Variants in B3GALNT2 observed in about 807,000 individuals in gnomAD.
B3GALNT2 encodes UDP-GalNAc:beta-1,3-N-acetylgalactosaminyltransferase 2.
Under a neutral mutation model 61.1 loss-of-function variants are expected in B3GALNT2, and 53 were observed. The ratio of observed to expected loss-of-function variants is 0.87; its 90% confidence interval spans 0.70 to 1.09. The LOEUF (loss-of-function observed/expected upper bound fraction) is 1.09, where lower values mean the gene tolerates loss of function less well. Among genes scored for constraint, B3GALNT2 ranks in the 50% least tolerant of loss-of-function variants. B3GALNT2 has a pLI of 0.00. For synonymous variants in B3GALNT2, 223 were observed against 237.4 expected, an observed-to-expected ratio of 0.94 and a Z score of 0.56; for missense variants, 544 against 623.0, an observed-to-expected ratio of 0.87 and a Z score of 1.35.
At chr1:235,479,925 G>T in intron 5 of B3GALNT2, 129 bp downstream of exon 5, 1 of 1,433,450 alleles carries the variant, frequency 7.0e-7, no homozygotes, top group South Asian at 1.5e-5. Flanking sequence ...TCCACAGTTG[G>T]TACCTTCATC....
chr1:235,468,062 G>A (rs1171212095), intron 6 of B3GALNT2, among the ~76,000 whole-genome samples: 1 of 152,238 alleles, frequency 6.6e-6, no homozygotes, highest in African/African-American at 2.4e-5. Flanking sequence ...TTACAGGCGT[G>A]AGCCACAGCA....
At chr1:235,490,608 G>C (rs938739697) in intron 2 of B3GALNT2, among the ~76,000 whole-genome samples, 5 of 152,178 alleles carry the variant, frequency 3.3e-5, no homozygotes, top group Admixed American at 2.0e-4. Context: ...ATAACCCACA[G>C]ACAGCTGTGT....
chr1:235,441,741 T>G, the B3GALNT2 span: 2 of 1,384,786 alleles, frequency 1.4e-6, no homozygotes, highest in Non-Finnish European at 2.0e-6. Flanking sequence ...CTATCCTTTG[T>G]TTGTTTGTTT....
rs1404989370 is a variant in B3GALNT2, at chr1:235,490,688, T to C, written c.261-1420A>G. Among the ~76,000 whole-genome samples, 5 of 152,136 alleles carry C rather than the reference T, an allele frequency of 3.3e-5. No homozygotes were observed. In the East Asian group the frequency reaches 9.6e-4, roughly 29 times the overall value. On this transcript the variant is annotated intron_variant, in intron 2 of 11. Coordinates refer to ENST00000366600, the MANE Select transcript of B3GALNT2 (RefSeq NM_152490.5). The stretch of plus-strand genomic sequence containing the variant: ...TTTCAGAAATTTTGTGAGACGGTTA[T>C]TAAACATAGCCTTTATTTAAAATTA...
Position 235,449,983 on chromosome 1 carries a change from C to T in B3GALNT2, c.*223G>A, listed in dbSNP as rs74151510. The T allele has an allele frequency of 0.01, 4,075 of 397,820 alleles. 148 individuals carry two copies. Among genetic ancestry groups the T allele is most frequent in the African/African-American group, 0.074 (3,638 of 48,968 alleles). 24.6% of individuals were successfully genotyped at this position (397,820 alleles called of 1,614,324 possible). Reference sequence around the variant, plus strand: ...ACTTGGTATTTTTCTGATAATCTTCCAATAGATAAATAAAAACTTTTCTTA... The same window carrying T: ...ACTTGGTATTTTTCTGATAATCTTCTAATAGATAAATAAAAACTTTTCTTA... On this transcript the variant is annotated 3_prime_UTR_variant, in exon 12 of 12. Transcript: ENST00000366600.
the B3GALNT2 span, among the ~76,000 whole-genome samples, chr1:235,440,041 G>A: frequency 9.1e-4 from 138 of 152,146 alleles, no homozygotes; most frequent in African/African-American, 2.9e-3. Context: ...CGCGATCTCC[G>A]CTCACTGCAA....
At chr1:235,452,320 A>T (rs1682955448) in intron 11 of B3GALNT2, 1 of 152,166 alleles carries the variant, frequency 6.6e-6, no homozygotes. Context: ...AAATCTATGG[A>T]AACTGAGTTT....
intron 9 of B3GALNT2, among the ~76,000 whole-genome samples, chr1:235,454,528 TCC>T (rs1312784154): frequency 6.6e-6 from 1 of 152,126 alleles, no homozygotes. Flanking sequence ...AACCTCTGCC[TCC>T]TGGGTTCAAG....
intron 4 of B3GALNT2, among the ~76,000 whole-genome samples, chr1:235,482,987 A>T (rs551175452): frequency 2.0e-5 from 3 of 152,254 alleles, no homozygotes; most frequent in African/African-American, 7.2e-5. Context: ...AGCTGCTGTT[A>T]TAACTATGGT....
chr1:235,451,602 T>G (rs759174005), intron 11 of B3GALNT2: 1 of 151,682 alleles, frequency 6.6e-6, no homozygotes, highest in Non-Finnish European at 1.5e-5. Context: ...CAAAAAAGAA[T>G]TATATTCAAA....
At chr1:235,474,980 TATATA>T (rs1207728485) in intron 5 of B3GALNT2, among the ~76,000 whole-genome samples, 53 of 32,572 alleles carry the variant, frequency 1.6e-3, no homozygotes, top group East Asian at 5.2e-3. Flanking sequence ...TATATATATA[TATATA>T]TATTTTTTTT....
chr1:235,458,064 C>T (rs755783761), intron 8 of B3GALNT2, among the ~76,000 whole-genome samples: 2 of 152,024 alleles, frequency 1.3e-5, no homozygotes, highest in Non-Finnish European at 2.9e-5. Flanking sequence ...CTCGCCACCA[C>T]ACTTGGCTAA....
Position 235,450,080 on chromosome 1 carries a change from A to G in B3GALNT2, c.*126T>C, listed in dbSNP as rs998822461. 5.1e-6 allele frequency: 6 copies of G among 1,166,662 alleles called. No homozygotes were observed. The highest frequency in any genetic ancestry group is 3.1e-5 in the African/African-American group (2 of 65,528). 72.3% of individuals were successfully genotyped at this position (1,166,662 alleles called of 1,614,324 possible). A position where few individuals can be genotyped will look rare whatever the true frequency, so the allele number is the denominator to read the frequency against. Reference sequence around the variant, plus strand: ...GAAACACCGCATTGGTTCTGGGTGAAAGTGCCAGTCTGGAACTCTCTTGAA... The same window carrying G: ...GAAACACCGCATTGGTTCTGGGTGAGAGTGCCAGTCTGGAACTCTCTTGAA... On this transcript the variant is annotated 3_prime_UTR_variant, in exon 12 of 12. Coordinates refer to ENST00000366600, the MANE Select transcript of B3GALNT2 (RefSeq NM_152490.5).
chr1:235,454,217 A>C lies in B3GALNT2; in HGVS notation c.1250T>G (p.Val417Gly), dbSNP rs759627815. 1.2e-6 allele frequency: 2 copies of C among 1,613,750 alleles called. No homozygotes were observed. Among genetic ancestry groups the C allele is most frequent in the Non-Finnish European group, 1.7e-6 (2 of 1,179,736 alleles). ...YPAFACGSGY[V>G]ISKDIVKWLA... is the part of the protein sequence containing the mutation. ...CCACTTGACGATGTCCTTGGAGATC[A>C]CATATCCTGACCCACATGCAAAGGC... is the stretch of plus-strand genomic sequence containing the variant. The change falls in exon 10 of 12, where the codon GTG becomes GGG. Residue 417 changes from valine to glycine, a missense_variant. Val to Gly is a moderately radical substitution (Grantham distance 109, BLOSUM62 -3). Transcript: ENST00000366600.
In B3GALNT2 at chr1:235,448,476, G is replaced by C. The variant is rs1277360217; in HGVS notation, c.*1730C>G. ...CAGCAAAATACAAAGTCAAAGTCAAGCTTAGTCCTCGTATTATGACATTAA... is the reference window on the plus strand; with the variant it reads ...CAGCAAAATACAAAGTCAAAGTCAACCTTAGTCCTCGTATTATGACATTAA... On this transcript the variant is annotated 3_prime_UTR_variant, in exon 12 of 12. Coordinates refer to ENST00000366600, the MANE Select transcript of B3GALNT2 (RefSeq NM_152490.5). The C allele has an allele frequency of 6.3e-7, 1 of 1,587,940 alleles. No individual in the cohort carries two copies. Among genetic ancestry groups the C allele is most frequent in the African/African-American group, 1.3e-5 (1 of 74,270 alleles).
chr1:235,485,288 A>T (rs1684749576), intron 3 of B3GALNT2, among the ~76,000 whole-genome samples: 1 of 152,200 alleles, frequency 6.6e-6, no homozygotes, highest in Non-Finnish European at 1.5e-5. Flanking sequence ...ACAGCTGTCT[A>T]ATCAGTGCCA....
chr1:235,479,938 T>C, intron 5 of B3GALNT2, 116 bp downstream of exon 5: 4 of 1,461,080 alleles, frequency 2.7e-6, no homozygotes, highest in Non-Finnish European at 3.6e-6. Context: ...CCTTCATCTA[T>C]CACTCTGGAG....
At chr1:235,443,087 G>GC (rs112235573), downstream of B3GALNT2, 16,041 of 661,996 alleles carry the variant, frequency 0.024, 593 homozygotes, top group African/African-American at 0.13. Flanking sequence ...ACTCCCCCAT[G>GC]CCCCCAAAAG....
chr1:235,504,118 C>T (rs907442028), intron 1 of B3GALNT2, 23 bp downstream of exon 1: 6 of 1,208,012 alleles, frequency 5.0e-6, no homozygotes, highest in Admixed American at 4.4e-5. Context: ...CGGCCGCCAA[C>T]CCGCCCGGCC....
Sources: gnomAD v4.1 joint callset for allele counts (sites outside exome capture counted in the v4.1 genomes callset) on GRCh38, gnomAD v4.1.1 for gene constraint, MANE v1.5 for transcripts, NCBI Gene and HGNC (gene_info 2026-07-23, HGNC 2026-07-21) for gene names.